Variants in TMEM30A observed in about 807,000 individuals in gnomAD.
TMEM30A encodes cell cycle control protein 50A.
In TMEM30A, 24 loss-of-function variants were observed where a neutral mutation model predicts 38.2. The ratio of observed to expected loss-of-function variants is 0.63; its 90% CI spans 0.46 to 0.88. The LOEUF is 0.88. Ranked by LOEUF, TMEM30A falls within the 40% of genes least tolerant of loss-of-function variation. The probability of loss-of-function intolerance (pLI) is 0.00; values close to 1 mark genes in which losing one functional copy is unlikely to be tolerated. For synonymous variants in TMEM30A, 145 were observed against 161.6 expected, an observed-to-expected ratio of 0.90 and a Z score of 0.78; for missense variants, 370 against 458.6, an observed-to-expected ratio of 0.81 and a Z score of 1.77.
At chr6:75,261,615 A>AG (rs1341934659) in intron 3 of TMEM30A, among the ~76,000 whole-genome samples, 3 of 152,190 alleles carry the variant, frequency 2.0e-5, no homozygotes, top group African/African-American at 7.2e-5. Context: ...GTCTGAGGTT[A>AG]GGGGTCTGTC....
At chr6:75,264,593 G>A (rs760236935) in intron 3 of TMEM30A, among the ~76,000 whole-genome samples, 5 of 151,564 alleles carry the variant, frequency 3.3e-5, no homozygotes, top group African/African-American at 7.3e-5. Context: ...CCGAGGTCGC[G>A]CCACTGCACT....
intron 1 of TMEM30A, among the ~76,000 whole-genome samples, chr6:75,282,041 T>C (rs1172970493): frequency 6.6e-6 from 1 of 152,228 alleles, no homozygotes; most frequent in South Asian, 2.1e-4. Context: ...CATTTCCTCC[T>C]GTTTCAAAGG....
chr6:75,268,275 GT>G, intron 1 of TMEM30A, among the ~76,000 whole-genome samples: 1 of 152,292 alleles, frequency 6.6e-6, no homozygotes, highest in East Asian at 1.9e-4. Context: ...GGTGACAGAA[GT>G]ATCTTTGTTA....
intron 3 of TMEM30A, among the ~76,000 whole-genome samples, chr6:75,262,328 CAA>C (rs1439380336): frequency 6.6e-6 from 1 of 151,974 alleles, no homozygotes. Flanking sequence ...GCCTGGGTGA[CAA>C]AGTCAACCCT....
intron 3 of TMEM30A, among the ~76,000 whole-genome samples, chr6:75,261,617 G>C (rs553026006): frequency 1.3e-5 from 2 of 152,110 alleles, no homozygotes; most frequent in Non-Finnish European, 2.9e-5. Context: ...CTGAGGTTAG[G>C]GGTCTGTCTG....
chr6:75,275,619 GC>G (rs1369304854), intron 1 of TMEM30A, among the ~76,000 whole-genome samples: 1 of 152,018 alleles, frequency 6.6e-6, no homozygotes, highest in East Asian at 1.9e-4. Context: ...TATATCAATT[GC>G]ATGAGAAAAT....
At chr6:75,260,711 C>G in intron 4 of TMEM30A, 113 bp downstream of exon 4, 1 of 573,908 alleles carries the variant, frequency 1.7e-6, no homozygotes, top group Non-Finnish European at 2.8e-6. Context: ...TCGATTTAGT[C>G]TTAAATGTTT....
rs1009353403 is a variant in TMEM30A at position 75,253,050 on chromosome 6, C to T, written c.*3052G>A. 6.6e-6 allele frequency: 1 copy of T among 152,010 alleles called. No individual in the cohort carries two copies. The highest frequency in any genetic ancestry group is 2.4e-5 in the African/African-American group (1 of 41,374). 9.4% of individuals were successfully genotyped at this position (152,010 alleles called of 1,614,324 possible). ...AAAACACTTTACTAGATCATCCAAA[C>T]CCTACAATAGACACTTATGCATCAA... On this transcript the variant is annotated 3_prime_UTR_variant, in exon 7 of 7. Coordinates refer to ENST00000230461, the MANE Select transcript of TMEM30A (RefSeq NM_018247.4).
intron 1 of TMEM30A, among the ~76,000 whole-genome samples, chr6:75,280,329 T>A (rs1324096019): frequency 6.6e-6 from 1 of 152,130 alleles, no homozygotes; most frequent in Non-Finnish European, 1.5e-5. Flanking sequence ...TTTTTTTCTG[T>A]AAGAGGCCAG....
At chr6:75,258,163 T>C (rs536737733) in intron 6 of TMEM30A, among the ~76,000 whole-genome samples, 1 of 152,190 alleles carries the variant, frequency 6.6e-6, no homozygotes, top group African/African-American at 2.4e-5. Context: ...AAGTGCTCGA[T>C]ATTCCTGTAT....
At chr6:75,277,682 A>G (rs531331809) in intron 1 of TMEM30A, among the ~76,000 whole-genome samples, 1 of 152,118 alleles carries the variant, frequency 6.6e-6, no homozygotes, top group Non-Finnish European at 1.5e-5. Flanking sequence ...TGGCAAGAGG[A>G]CTGCTTGAGG....
At chr6:75,284,182 C>CT in intron 1 of TMEM30A, 1 of 604,596 alleles carries the variant, frequency 1.7e-6, no homozygotes, top group Non-Finnish European at 2.9e-6. Flanking sequence ...TGGATTTGCT[C>CT]TTTCGTAAAT....
intron 1 of TMEM30A, among the ~76,000 whole-genome samples, chr6:75,273,663 C>T (rs2149523007): frequency 6.6e-6 from 1 of 152,270 alleles, no homozygotes; most frequent in South Asian, 2.1e-4. Context: ...CTCTTTGCTG[C>T]AGCATTTGCC....
At chr6:75,284,033 C>A (rs897836490) in intron 1 of TMEM30A, among the ~76,000 whole-genome samples, 1 of 151,840 alleles carries the variant, frequency 6.6e-6, no homozygotes, top group Non-Finnish European at 1.5e-5. Context: ...CAATTGCCCC[C>A]CGCCCCCACT....
At chr6:75,256,526 A>G (rs1771869964) in intron 6 of TMEM30A, among the ~76,000 whole-genome samples, 1 of 152,140 alleles carries the variant, frequency 6.6e-6, no homozygotes, top group African/African-American at 2.4e-5. Context: ...ACCAAAACAA[A>G]TAAATGTAAA....
At chr6:75,275,966 G>A (rs1772253004) in intron 1 of TMEM30A, among the ~76,000 whole-genome samples, 1 of 152,164 alleles carries the variant, frequency 6.6e-6, no homozygotes, top group African/African-American at 2.4e-5. Flanking sequence ...TGTGGGAAGG[G>A]GAAAGGGACT....
At chr6:75,269,192 G>A (rs886703520) in intron 1 of TMEM30A, among the ~76,000 whole-genome samples, 2 of 151,984 alleles carry the variant, frequency 1.3e-5, no homozygotes, top group African/African-American at 4.8e-5. Flanking sequence ...TTCACACTAG[G>A]GTTCACACTT....
At chr6:75,265,958 A>G (rs1459432551) in intron 2 of TMEM30A, among the ~76,000 whole-genome samples, 1 of 152,162 alleles carries the variant, frequency 6.6e-6, no homozygotes, top group African/African-American at 2.4e-5. Context: ...GAGTTAATAA[A>G]CTACTAATTA....
At chr6:75,279,119 G>C (rs977847670) in intron 1 of TMEM30A, among the ~76,000 whole-genome samples, 1 of 150,990 alleles carries the variant, frequency 6.6e-6, no homozygotes, top group African/African-American at 2.4e-5. Context: ...AAAAAGGTGT[G>C]TGGGGGGGTG....
Sources: gnomAD v4.1 joint callset for allele counts (sites outside exome capture counted in the v4.1 genomes callset) on GRCh38, gnomAD v4.1.1 for gene constraint, MANE v1.5 for transcripts, NCBI Gene and HGNC (gene_info 2026-07-23, HGNC 2026-07-21) for gene names.